Variants in DLGAP3 observed in about 807,000 individuals in gnomAD.
DLGAP3 encodes disks large-associated protein 3.
Under a neutral mutation model 81.2 loss-of-function variants are expected in DLGAP3, and 17 were observed. That is an observed-to-expected ratio of 0.21 (90% confidence interval 0.14 to 0.31). The LOEUF (loss-of-function observed/expected upper bound fraction) is 0.31. Ranked by LOEUF, DLGAP3 falls within the 10% of genes least tolerant of loss-of-function variation. DLGAP3 has a pLI of 1.00. For missense variants in DLGAP3, 1,124 were observed against 1,388.0 expected, an observed-to-expected ratio of 0.81 and a Z score of 3.02; for synonymous variants, 577 against 587.4, an observed-to-expected ratio of 0.98 and a Z score of 0.26.
chr1:34,865,809 AGGAGGTG>A lies in DLGAP3; in HGVS notation c.*267_*273del, dbSNP rs929001316. The A allele has an allele frequency of 1.9e-6, 1 of 531,214 alleles. No individual in the cohort carries two copies. Among genetic ancestry groups the A allele is most frequent in the African/African-American group, 2.1e-5 (1 of 48,450 alleles). 32.9% of individuals were successfully genotyped at this position (531,214 alleles called of 1,614,324 possible). On this transcript the variant is annotated 3_prime_UTR_variant, in exon 12 of 12. Transcript: ENST00000373347. ...AATGGCAGAGATGGTGCCCATGGGG[AGGAGGTG>A]GGGACAAAGCGTCGGACCAGGTGGG...
chr1:34,895,261 C>T lies in DLGAP3; in HGVS notation c.1386+4408G>A, dbSNP rs140359703. The stretch of plus-strand genomic sequence containing the variant: ...CGGGCGCCTGTAGTCTCAGCTACTC[C>T]GGAGACTGAGGCAGAAGAATGGCGT... On this transcript the variant is annotated intron_variant, in intron 5 of 11. Coordinates refer to ENST00000373347, the MANE Select transcript of DLGAP3 (RefSeq NM_001080418.3). The surrounding 1 kb of genome is among the most constrained non-coding windows in gnomAD (Gnocchi z 4.5). Among the ~76,000 whole-genome samples the T allele has an allele frequency of 0.01, 1,563 of 151,130 alleles. 32 individuals carry two copies. The highest frequency in any genetic ancestry group is 0.036 in the African/African-American group (1,471 of 41,140).
At chr1:34,878,565 T>C (rs958878153) in intron 8 of DLGAP3, among the ~76,000 whole-genome samples, 1 of 151,282 alleles carries the variant, frequency 6.6e-6, no homozygotes, top group African/African-American at 2.4e-5. Flanking sequence ...AACAGCACAC[T>C]CTCAAACTGA....
At chr1:34,887,233 G>T (rs1016317304) in intron 5 of DLGAP3, among the ~76,000 whole-genome samples, 6 of 151,906 alleles carry the variant, frequency 3.9e-5, no homozygotes, top group African/African-American at 1.5e-4. Context: ...GGGATTATAG[G>T]CGTGAGCCAC....
chr1:34,909,354 G>A (rs138556629), intron 1 of DLGAP3, among the ~76,000 whole-genome samples: 1 of 152,220 alleles, frequency 6.6e-6, no homozygotes, highest in African/African-American at 2.4e-5. Context: ...GATCCTACAG[G>A]GAAGCCCTGT....
intron 1 of DLGAP3, among the ~76,000 whole-genome samples, chr1:34,911,026 C>CCA (rs1553124120): frequency 6.9e-6 from 1 of 144,630 alleles, no homozygotes; most frequent in African/African-American, 2.5e-5. Flanking sequence ...TTATCCACCC[C>CCA]CCCCCCACCA....
chr1:34,905,157 C>T lies in DLGAP3; in HGVS notation c.227G>A (p.Gly76Glu), dbSNP rs1476890521. Residue 76 changes from glycine (G) to glutamate (E), a missense_variant, in exon 3 of 12, where the codon GGG (glycine) becomes GAG (glutamate). Around this residue, in one of 9 missense-constraint regions of DLGAP3, gnomAD observed 167 missense variants for 172.1 expected, o/e 0.97. Coordinates refer to ENST00000373347, the MANE Select transcript of DLGAP3 (RefSeq NM_001080418.3). The stretch of plus-strand genomic sequence containing the variant: ...CCCCCCAACCCCGGCCCCCGCTGGC[C>T]CTCCCTCAGGGCCTACCGACGGCCC... ...SEGPSVGPEG[G>E]PAGAGVGGGS... 1.9e-6 allele frequency: 3 copies of T among 1,572,142 alleles called. No homozygotes were observed. The highest frequency in any genetic ancestry group is 1.2e-5 in the South Asian group (1 of 85,672).
chr1:34,899,290 G>C (rs1009236799), intron 5 of DLGAP3, among the ~76,000 whole-genome samples: 4 of 152,068 alleles, frequency 2.6e-5, no homozygotes, highest in African/African-American at 9.7e-5. Flanking sequence ...GGCTGGTCTT[G>C]GTCTCCTGAC....
chr1:34,909,428 C>G (rs1639607782), intron 1 of DLGAP3, among the ~76,000 whole-genome samples: 1 of 152,186 alleles, frequency 6.6e-6, no homozygotes, highest in African/African-American at 2.4e-5. Context: ...CAGAGGCGGC[C>G]TACCCTCTCT....
chr1:34,919,501 G>A (rs1478993558), intron 1 of DLGAP3, among the ~76,000 whole-genome samples: 3 of 152,124 alleles, frequency 2.0e-5, no homozygotes, highest in Non-Finnish European at 1.5e-5. Context: ...CAACCAGGCC[G>A]GGTGCAGTGA....
intron 8 of DLGAP3, among the ~76,000 whole-genome samples, chr1:34,875,950 C>T (rs1365559985): frequency 2.0e-5 from 3 of 152,286 alleles, no homozygotes; most frequent in Non-Finnish European, 4.4e-5. Context: ...ATAGTCTACA[C>T]TGTCATGGCT....
Position 34,867,239 on chromosome 1 carries a change from A to T in DLGAP3, c.2578-48T>A. ...GAAAGTGATTGGTCAAGGAGGTCTGAGCCCCAGCCAGGACAAGAGAAAGTC... is the reference window on the plus strand; with the variant it reads ...GAAAGTGATTGGTCAAGGAGGTCTGTGCCCCAGCCAGGACAAGAGAAAGTC... On this transcript the variant is annotated intron_variant, in intron 10 of 11. Coordinates refer to ENST00000373347, the MANE Select transcript of DLGAP3 (RefSeq NM_001080418.3). The surrounding 1 kb of genome is among the most constrained non-coding windows in gnomAD (Gnocchi z 4.3). 6.2e-7 allele frequency: 1 copy of T among 1,612,302 alleles called. No homozygotes were observed. Among genetic ancestry groups the T allele is most frequent in the Middle Eastern group, 1.7e-4 (1 of 6,060 alleles).
intron 1 of DLGAP3, among the ~76,000 whole-genome samples, chr1:34,926,443 C>T (rs1464686944): frequency 1.3e-5 from 2 of 152,182 alleles, no homozygotes; most frequent in African/African-American, 4.8e-5. Flanking sequence ...AGCCTTCAGA[C>T]TGGGGAGGGG....
chr1:34,866,952 C>T lies in DLGAP3; in HGVS notation c.2721+96G>A, dbSNP rs1037960332. 7.6e-6 allele frequency: 11 copies of T among 1,440,350 alleles called. No individual in the cohort carries two copies. In the African/African-American group the frequency reaches 1.3e-4, roughly 16 times the overall value. 89.2% of individuals were successfully genotyped at this position (1,440,350 alleles called of 1,614,324 possible). ...GGCTGCCCTTGCTGCCCATGGATCC[C>T]TTCCCCTGCCCCCTTGTTCGTCCCA... On this transcript the variant is annotated intron_variant, in intron 11 of 11. Transcript: ENST00000373347.
chr1:34,879,618 C>A (rs779133250), intron 8 of DLGAP3, among the ~76,000 whole-genome samples: 8 of 151,504 alleles, frequency 5.3e-5, no homozygotes, highest in Admixed American at 5.3e-4. Context: ...AATATGACCA[C>A]AATGTAGCAA....
rs142394679 is a variant in DLGAP3, at chr1:34,887,067, G to C, written c.1387-782C>G. 6.1e-3 allele frequency among the ~76,000 whole-genome samples: 887 copies of C among 145,214 alleles called. 6 individuals carry two copies. Among genetic ancestry groups the C allele is most frequent in the African/African-American group, 0.022 (850 of 39,176 alleles). ...CCTCCCGGGTTCACCCCATTTTCCT[G>C]CCTCAGCCTCCCAAGTAGCTGGGAC... On this transcript the variant is annotated intron_variant, in intron 5 of 11. Transcript: ENST00000373347.
intron 1 of DLGAP3, among the ~76,000 whole-genome samples, chr1:34,923,383 G>C (rs1045588080): frequency 6.6e-6 from 1 of 152,146 alleles, no homozygotes; most frequent in Non-Finnish European, 1.5e-5. Context: ...AAATGTAAAG[G>C]TGGTGACCTG....
Position 34,885,641 on chromosome 1 carries a change from C to A in DLGAP3, c.1751G>T (p.Gly584Val). The A allele has an allele frequency of 6.7e-7, 1 of 1,488,248 alleles. No individual in the cohort carries two copies. Among genetic ancestry groups the A allele is most frequent in the Non-Finnish European group, 8.9e-7 (1 of 1,124,670 alleles). 92.2% of individuals were successfully genotyped at this position (1,488,248 alleles called of 1,614,324 possible). The change falls in exon 7 of 12, where the codon GGG becomes GTG. Residue 584 changes from glycine to valine, a missense_variant. Physicochemically the swap from Gly to Val is moderately radical, Grantham distance 109. This residue lies in a region of DLGAP3 where 379 missense variants were observed against 455.7 expected (regional missense o/e 0.83). Transcript: ENST00000373347. ...CGCACCCATGGCGGGGCCGTCCAGC[C>A]CGTCGGCGGAGCTGCAGCGCCGGGC... ...GPARRCSSAD[G>V]LDGPAMGART...
intron 5 of DLGAP3, among the ~76,000 whole-genome samples, chr1:34,892,142 A>C (rs1192297034): frequency 6.6e-6 from 1 of 152,226 alleles, no homozygotes; most frequent in African/African-American, 2.4e-5. Flanking sequence ...TGACTTCATG[A>C]ATACAAATCA....
At chr1:34,892,846 C>T (rs1200854208) in intron 5 of DLGAP3, among the ~76,000 whole-genome samples, 1 of 152,178 alleles carries the variant, frequency 6.6e-6, no homozygotes, top group Non-Finnish European at 1.5e-5. Context: ...CAATTCATCA[C>T]ATAGAGGGAA....
Sources: gnomAD v4.1 joint callset for allele counts (sites outside exome capture counted in the v4.1 genomes callset) on GRCh38, gnomAD v4.1.1 for gene constraint, gnomAD v4.1.1 regional missense constraint, Gnocchi (gnomAD v3.1) non-coding constraint, MANE v1.5 for transcripts, NCBI Gene and HGNC (gene_info 2026-07-23, HGNC 2026-07-21) for gene names.